Variants in SCFD2 observed in about 807,000 individuals in gnomAD.
SCFD2 encodes sec1 family domain-containing protein 2.
A neutral mutation model predicts 58.9 loss-of-function variants in SCFD2; 54 were observed. The observed-to-expected ratio is 0.92, with a 90% CI of 0.74 to 1.15. The LOEUF (loss-of-function observed/expected upper bound fraction) is 1.15, where lower values mean the gene tolerates loss of function less well. SCFD2 is among the 50% of genes most tolerant of loss of function. The probability of loss-of-function intolerance (pLI) is 0.00; values close to 1 mark genes in which losing one functional copy is unlikely to be tolerated. For missense variants in SCFD2, 805 were observed against 836.6 expected (o/e 0.96, Z 0.47); for synonymous variants, 321 against 335.9 (o/e 0.96, Z 0.49).
At chr4:53,251,808 C>T (rs1308847863) in intron 4 of SCFD2, among the ~76,000 whole-genome samples, 3 of 151,850 alleles carry the variant, frequency 2.0e-5, no homozygotes. Context: ...GAAGCATTCC[C>T]TTTGAAAACT....
chr4:52,955,971 G>T (rs1363390162), intron 5 of SCFD2: 2 of 440,858 alleles, frequency 4.5e-6, no homozygotes, highest in Non-Finnish European at 4.6e-6. Flanking sequence ...CCCACAGTAG[G>T]CTGAGATACC....
intron 7 of SCFD2, among the ~76,000 whole-genome samples, chr4:52,900,947 G>A (rs1719181166): frequency 6.6e-6 from 1 of 152,226 alleles, no homozygotes; most frequent in African/African-American, 2.4e-5. Flanking sequence ...TGAGCCAGGT[G>A]TGGGATATAA....
intron 5 of SCFD2, among the ~76,000 whole-genome samples, chr4:53,044,489 A>ACTTACTTC (rs1722977287): frequency 6.9e-6 from 1 of 145,884 alleles, no homozygotes; most frequent in African/African-American, 2.5e-5. Flanking sequence ...CTTTACAGGA[A>ACTTACTTC]CTTCCTTCCT....
chr4:53,127,615 T>C (rs1725665194), intron 5 of SCFD2, among the ~76,000 whole-genome samples: 1 of 152,216 alleles, frequency 6.6e-6, no homozygotes, highest in Non-Finnish European at 1.5e-5. Flanking sequence ...TCTCAGGAGT[T>C]GTCTGAGCTG....
chr4:53,333,208 A>T (rs1490974742), intron 2 of SCFD2, among the ~76,000 whole-genome samples: 1 of 144,178 alleles, frequency 6.9e-6, no homozygotes, highest in Non-Finnish European at 1.5e-5. Flanking sequence ...CATCCCCATC[A>T]AGCTACCAAT....
intron 5 of SCFD2, among the ~76,000 whole-genome samples, chr4:53,139,176 T>C (rs1726036040): frequency 6.6e-6 from 1 of 152,192 alleles, no homozygotes; most frequent in African/African-American, 2.4e-5. Flanking sequence ...CAGTGCTCAA[T>C]GTTGCCCAGG....
At chr4:53,027,003 T>A (rs1722490990) in intron 5 of SCFD2, among the ~76,000 whole-genome samples, 1 of 152,216 alleles carries the variant, frequency 6.6e-6, no homozygotes, top group Admixed American at 6.5e-5. Context: ...GTCACCCTAG[T>A]GACCTGATAG....
rs112044679 is a variant in SCFD2, at chr4:52,979,694, A to C, written c.1562-58824T>G. The stretch of plus-strand genomic sequence containing the variant: ...ATTTACACTCATAAAAGGATGAAAC[A>C]CACTTAATAGGACAAAATCACTAAT... On this transcript the variant is annotated intron_variant, in intron 5 of 8. Coordinates refer to ENST00000401642, the MANE Select transcript of SCFD2 (RefSeq NM_152540.4). Among the ~76,000 whole-genome samples the C allele has an allele frequency of 9.1e-3, 1,392 of 152,280 alleles. 24 individuals are homozygous for C. Among genetic ancestry groups the C allele is most frequent in the African/African-American group, 0.031 (1,302 of 41,550 alleles).
At chr4:53,061,246 G>C (rs1273760333) in intron 5 of SCFD2, among the ~76,000 whole-genome samples, 1 of 152,080 alleles carries the variant, frequency 6.6e-6, no homozygotes, top group Non-Finnish European at 1.5e-5. Flanking sequence ...AAATACTAAT[G>C]CTCATATTCA....
intron 4 of SCFD2, among the ~76,000 whole-genome samples, chr4:53,146,112 A>G (rs187475302): frequency 1.1e-4 from 16 of 152,346 alleles, no homozygotes; most frequent in Non-Finnish European, 2.2e-4. Flanking sequence ...TGAATAAAAT[A>G]CAGAATCACA....
chr4:53,251,220 C>G (rs1473421253), intron 4 of SCFD2, among the ~76,000 whole-genome samples: 6 of 152,168 alleles, frequency 3.9e-5, no homozygotes, highest in Admixed American at 2.0e-4. Flanking sequence ...ATAACAGGAT[C>G]TGAAATTGTG....
chr4:53,080,149 A>G (rs949375301), intron 5 of SCFD2, among the ~76,000 whole-genome samples: 60 of 152,110 alleles, frequency 3.9e-4, no homozygotes, highest in African/African-American at 1.4e-3. Context: ...TCCCCTTAAC[A>G]ATTGCTTCTT....
At chr4:53,336,889 T>C (rs1488218288) in intron 2 of SCFD2, among the ~76,000 whole-genome samples, 1 of 152,012 alleles carries the variant, frequency 6.6e-6, no homozygotes, top group Admixed American at 6.6e-5. Flanking sequence ...GAAAGTGTGC[T>C]CAGTATCCTT....
chr4:53,330,812 A>C (rs990910224), intron 2 of SCFD2, among the ~76,000 whole-genome samples: 1 of 152,158 alleles, frequency 6.6e-6, no homozygotes, highest in African/African-American at 2.4e-5. Flanking sequence ...AATTGGATAA[A>C]GAGTCAAGAC....
intron 4 of SCFD2, among the ~76,000 whole-genome samples, chr4:53,272,707 G>A (rs571494534): frequency 1.3e-5 from 2 of 151,950 alleles, no homozygotes; most frequent in Admixed American, 6.6e-5. Context: ...GTTGTGGGGT[G>A]GGGGGAAGGG....
chr4:53,163,720 A>G (rs1187734666), intron 4 of SCFD2, among the ~76,000 whole-genome samples: 1 of 151,930 alleles, frequency 6.6e-6, no homozygotes, highest in Non-Finnish European at 1.5e-5. Context: ...ACAGAGAAAG[A>G]CTCCGTCTTG....
chr4:53,009,342 T>A (rs1722046976), intron 5 of SCFD2, among the ~76,000 whole-genome samples: 1 of 152,176 alleles, frequency 6.6e-6, no homozygotes, highest in Admixed American at 6.5e-5. Flanking sequence ...TCAAATGAGT[T>A]TGGTAAATAC....
intron 5 of SCFD2, among the ~76,000 whole-genome samples, chr4:53,061,923 G>C (rs1019778793): frequency 1.3e-5 from 2 of 152,060 alleles, no homozygotes; most frequent in Non-Finnish European, 2.9e-5. Flanking sequence ...CCAAGTCCAC[G>C]ATTAGACAGA....
intron 4 of SCFD2, among the ~76,000 whole-genome samples, chr4:53,265,718 C>T (rs1730965229): frequency 6.6e-6 from 1 of 152,032 alleles, no homozygotes; most frequent in Non-Finnish European, 1.5e-5. Context: ...ATAAACATGC[C>T]TATAAAATAA....
Sources: allele counts gnomAD v4.1 joint callset (sites outside exome capture counted in the v4.1 genomes callset), GRCh38; gene constraint gnomAD v4.1.1; transcripts MANE v1.5; gene names NCBI Gene and HGNC (gene_info 2026-07-23, HGNC 2026-07-21).